Variants in ZNF8 observed in about 807,000 individuals in gnomAD.
The protein encoded by ZNF8 is zinc finger protein 8.
In ZNF8, 9 loss-of-function variants were observed where a neutral mutation model predicts 12.2. The observed-to-expected ratio is 0.73, with a 90% CI of 0.44 to 1.28. The LOEUF (loss-of-function observed/expected upper bound fraction) is 1.28, where lower values mean the gene tolerates loss of function less well. Ranked by LOEUF, ZNF8 falls within the 50% of genes most tolerant of loss-of-function variation. ZNF8 has a pLI of 0.00. For synonymous variants in ZNF8, 274 were observed against 282.3 expected (o/e 0.97, Z 0.30); for missense variants, 664 against 729.1 (o/e 0.91, Z 1.03).
chr19:58,284,441 G>A (rs2051370232), intron 1 of ZNF8, among the ~76,000 whole-genome samples: 1 of 152,212 alleles, frequency 6.6e-6, no homozygotes, highest in African/African-American at 2.4e-5. Context: ...GGGACGAAGT[G>A]ACTGAGCCAA....
intron 1 of ZNF8, chr19:58,279,933 T>C: frequency 9.0e-7 from 1 of 1,113,052 alleles, no homozygotes; most frequent in Non-Finnish European, 1.2e-6. Flanking sequence ...TTATTTCAGA[T>C]TTGGTACACA....
chr19:58,285,628 C>T (rs1187053734), intron 1 of ZNF8, 89 bp from the exon 2 acceptor site: 3 of 1,586,398 alleles, frequency 1.9e-6, no homozygotes, highest in Non-Finnish European at 2.6e-6. Context: ...TGACACAGGC[C>T]TGCCTGTTTT....
chr19:58,285,219 G>A (rs2051375822), intron 1 of ZNF8, among the ~76,000 whole-genome samples: 1 of 151,518 alleles, frequency 6.6e-6, no homozygotes, highest in African/African-American at 2.4e-5. Context: ...TGGTGTCTTG[G>A]CTCACTGCAA....
intron 1 of ZNF8, chr19:58,279,400 G>A: frequency 6.9e-7 from 1 of 1,444,932 alleles, no homozygotes; most frequent in Non-Finnish European, 9.1e-7. Flanking sequence ...GCTGGGGTCG[G>A]TCATTCCCGA....
At chr19:58,279,729 AG>A (rs2051335767) in intron 1 of ZNF8, 1 of 1,518,312 alleles carries the variant, frequency 6.6e-7, no homozygotes, top group African/African-American at 1.4e-5. Context: ...ACTGCAGTGC[AG>A]GGCGGTCAGT....
At chr19:58,292,435 A>G (rs1205498358) in intron 3 of ZNF8, among the ~76,000 whole-genome samples, 1 of 152,138 alleles carries the variant, frequency 6.6e-6, no homozygotes, top group East Asian at 1.9e-4. Context: ...ATTTCTTCTT[A>G]TAAGATCACT....
rs1331250308 is a variant in ZNF8, at chr19:58,294,851, G to A, written c.1043G>A (p.Arg348Lys). Residue 348 changes from arginine (R) to lysine (K), a missense_variant, in exon 4 of 4, where the codon AGG becomes AAG. Coordinates refer to ENST00000621650, the MANE Select transcript of ZNF8 (RefSeq NM_021089.3). This position sits in a 1 kb window ranked among gnomAD's most constrained non-coding sequence, Gnocchi z 5.5. ...CCCTATGAGTGTCAGGACTGTGGGA[G>A]GGCCTTCAACCAGAACTCCTCCCTG... Reference protein sequence around the residue: ...EKPYECQDCGRAFNQNSSLGR... With the variant: ...EKPYECQDCGKAFNQNSSLGR... The A allele has an allele frequency of 1.2e-6, 2 of 1,613,904 alleles. No homozygotes were observed. The highest frequency in any genetic ancestry group is 1.7e-6 in the Non-Finnish European group (2 of 1,179,964).
At position 58,288,037 on chromosome 19, in the gene ZNF8, T is replaced by C. The variant is rs2051395501; in HGVS notation, c.289+1832T>C. Among the ~76,000 whole-genome samples the C allele has an allele frequency of 1.3e-5, 2 of 149,230 alleles. 1 individual carries two copies. The highest frequency in any genetic ancestry group is 4.9e-5 in the African/African-American group (2 of 40,676). ...GTTTGTGTGTCCTTTTTTTTTTTTT[T>C]TTAATAGAGATGAGATCTTTCTACA... On this transcript the variant is annotated intron_variant, in intron 3 of 3. Coordinates refer to ENST00000621650, the MANE Select transcript of ZNF8 (RefSeq NM_021089.3).
At chr19:58,279,360 C>T (rs1162857019) in intron 1 of ZNF8, 3 of 1,464,206 alleles carry the variant, frequency 2.0e-6, no homozygotes, top group Non-Finnish European at 2.7e-6. Flanking sequence ...CCCGAATGCG[C>T]ATGCTCCACG....
At chr19:58,293,921 T>C (rs1458910641) in intron 3 of ZNF8, among the ~76,000 whole-genome samples, 177 bp from the exon 4 acceptor site, 1 of 152,230 alleles carries the variant, frequency 6.6e-6, no homozygotes, top group Non-Finnish European at 1.5e-5. Context: ...TAAATGTTTG[T>C]TGAATGAGTG....
intron 1 of ZNF8, chr19:58,280,615 G>C (rs1019803957): frequency 3.3e-5 from 5 of 152,258 alleles, no homozygotes; most frequent in Non-Finnish European, 4.4e-5. Flanking sequence ...TCAAGGTCCA[G>C]TGTTTTATCT....
intron 1 of ZNF8, among the ~76,000 whole-genome samples, chr19:58,283,588 A>G (rs974920750): frequency 6.7e-6 from 1 of 149,694 alleles, no homozygotes; most frequent in Middle Eastern, 3.2e-3. Context: ...CAGAACTGTA[A>G]GAAATAAACT....
intron 3 of ZNF8, among the ~76,000 whole-genome samples, chr19:58,291,390 G>A (rs2051418766): frequency 6.6e-6 from 1 of 152,196 alleles, no homozygotes; most frequent in Non-Finnish European, 1.5e-5. Flanking sequence ...GCTCTTTGCT[G>A]TTCCTGGCCA....
At chr19:58,293,483 T>G (rs2051433431) in intron 3 of ZNF8, among the ~76,000 whole-genome samples, 1 of 152,116 alleles carries the variant, frequency 6.6e-6, no homozygotes, top group Non-Finnish European at 1.5e-5. Flanking sequence ...TGTATTTTGG[T>G]CAGGACAAGA....
chr19:58,302,123 T>G lies in ZNF8; in HGVS notation c.*6587T>G, dbSNP rs1025133005. On this transcript the variant is annotated 3_prime_UTR_variant, in exon 4 of 4. Coordinates refer to ENST00000621650, the MANE Select transcript of ZNF8 (RefSeq NM_021089.3). ...GCATATTTTCTGTTTCTCATTTCAG[T>G]TCACATTTTCTAAGCATGATATTCC... 3.9e-5 allele frequency: 6 copies of G among 152,182 alleles called. No individual in the cohort carries two copies. The highest frequency in any genetic ancestry group is 1.2e-4 in the African/African-American group (5 of 41,440). 9.4% of individuals were successfully genotyped at this position (152,182 alleles called of 1,614,324 possible). A position where few individuals can be genotyped will look rare whatever the true frequency, so the allele number is the denominator to read the frequency against.
intron 1 of ZNF8, among the ~76,000 whole-genome samples, chr19:58,283,507 C>T (rs1480327965): frequency 6.6e-6 from 1 of 152,024 alleles, no homozygotes; most frequent in African/African-American, 2.4e-5. Context: ...GTGATGCCCT[C>T]CACCATCTTA....
intron 1 of ZNF8, chr19:58,279,748 G>T (rs2051336127): frequency 6.6e-7 from 1 of 1,507,260 alleles, no homozygotes; most frequent in African/African-American, 1.4e-5. Context: ...AGTGTTTGCA[G>T]GGCCATCTGG....
chr19:58,279,012 T>C lies in ZNF8; in HGVS notation c.-70T>C. On this transcript the variant is annotated 5_prime_UTR_variant, in exon 1 of 4. Coordinates refer to ENST00000621650, the MANE Select transcript of ZNF8 (RefSeq NM_021089.3). The stretch of plus-strand genomic sequence containing the variant: ...GTCCGGCGTTCGGCGAGTCGGGTGG[T>C]CCCTTTGGCTGGAGTGCCTCTCTGG... 7.4e-7 allele frequency: 1 copy of C among 1,346,704 alleles called. No individual in the cohort carries two copies. Among genetic ancestry groups the C allele is most frequent in the Non-Finnish European group, 9.6e-7 (1 of 1,040,678 alleles). 83.4% of individuals were successfully genotyped at this position (1,346,704 alleles called of 1,614,324 possible).
chr19:58,281,429 T>C (rs2147953197), intron 1 of ZNF8, among the ~76,000 whole-genome samples: 1 of 152,210 alleles, frequency 6.6e-6, no homozygotes, highest in East Asian at 1.9e-4. Flanking sequence ...AAGAACATCA[T>C]GAGACAACAA....
Sources: gnomAD v4.1 joint callset for allele counts (sites outside exome capture counted in the v4.1 genomes callset) on GRCh38, gnomAD v4.1.1 for gene constraint, Gnocchi (gnomAD v3.1) non-coding constraint, MANE v1.5 for transcripts, NCBI Gene and HGNC (gene_info 2026-07-23, HGNC 2026-07-21) for gene names.